SRD5A2: variants seen among roughly 807,000 people sequenced by gnomAD.
SRD5A2 encodes the protein steroid 5 alpha-reductase 2.
A neutral mutation model predicts 27.4 loss-of-function variants in SRD5A2; 30 were observed. The ratio of observed to expected loss-of-function variants is 1.10; its 90% CI spans 0.82 to 1.49. The LOEUF (loss-of-function observed/expected upper bound fraction) is 1.49, where lower values mean the gene tolerates loss of function less well. Ranked by LOEUF, SRD5A2 falls within the 40% of genes most tolerant of loss-of-function variation. SRD5A2 has a pLI of 0.00. For synonymous variants in SRD5A2, 141 were observed against 133.6 expected (o/e 1.06, Z -0.38); for missense variants, 348 against 323.4 (o/e 1.08, Z -0.58).
chr2:31,620,769 T>G, the SRD5A2 span, among the ~76,000 whole-genome samples: 1 of 151,150 alleles, frequency 6.6e-6, no homozygotes, highest in African/African-American at 2.4e-5. Flanking sequence ...AAGGATGGGC[T>G]GCATATCCAC....
chr2:31,574,156 TCAGA>T (rs1666906412), intron 1 of SRD5A2, among the ~76,000 whole-genome samples: 1 of 152,222 alleles, frequency 6.6e-6, no homozygotes, highest in Non-Finnish European at 1.5e-5. Flanking sequence ...CCTGATATTG[TCAGA>T]CTGACGTTGC....
Position 31,526,088 on chromosome 2 carries a change from T to G in SRD5A2, c.*108A>C, listed in dbSNP as rs750256914. On this transcript the variant is annotated 3_prime_UTR_variant, in exon 5 of 5. Transcript: ENST00000622030. ...CCAGCTGGCAGAACGCCAGGAGACCTACTATTACATATATACGGGACTATT... is the reference window on the plus strand; with the variant it reads ...CCAGCTGGCAGAACGCCAGGAGACCGACTATTACATATATACGGGACTATT... The G allele has an allele frequency of 4.3e-6, 3 of 702,480 alleles. No individual in the cohort carries two copies. The highest frequency in any genetic ancestry group is 1.8e-5 in the African/African-American group (1 of 54,402). 43.5% of individuals were successfully genotyped at this position (702,480 alleles called of 1,614,324 possible). A position where few individuals can be genotyped will look rare whatever the true frequency, so the allele number is the denominator to read the frequency against.
At chr2:31,550,800 T>G (rs1666367482) in intron 1 of SRD5A2, among the ~76,000 whole-genome samples, 1 of 152,032 alleles carries the variant, frequency 6.6e-6, no homozygotes, top group African/African-American at 2.4e-5. Context: ...CTGAATGTTT[T>G]TTCCTTAAGA....
the SRD5A2 span, among the ~76,000 whole-genome samples, chr2:31,635,020 T>C: frequency 2.0e-5 from 3 of 152,156 alleles, no homozygotes; most frequent in Non-Finnish European, 2.9e-5. Context: ...CTTTGATACA[T>C]TGATTTCCTA....
At chr2:31,578,456 G>A (rs1667005273) in intron 1 of SRD5A2, among the ~76,000 whole-genome samples, 1 of 152,146 alleles carries the variant, frequency 6.6e-6, no homozygotes, top group African/African-American at 2.4e-5. Context: ...TTTTCCACCT[G>A]CAAAATGGGC....
At chr2:31,598,894 A>C in the SRD5A2 span, among the ~76,000 whole-genome samples, 1 of 152,058 alleles carries the variant, frequency 6.6e-6, no homozygotes, top group African/African-American at 2.4e-5. Context: ...GGATGAAAAA[A>C]CAAGATCCAC....
the SRD5A2 span, among the ~76,000 whole-genome samples, chr2:31,640,683 A>C: frequency 3.3e-5 from 5 of 152,110 alleles, no homozygotes; most frequent in Admixed American, 1.3e-4. Flanking sequence ...CCTGTGAACC[A>C]TACCTCCTGC....
chr2:31,625,558 T>A, the SRD5A2 span, among the ~76,000 whole-genome samples: 1 of 152,120 alleles, frequency 6.6e-6, no homozygotes, highest in Admixed American at 6.6e-5. Flanking sequence ...GGAAGGGACA[T>A]AGTTTCAGCT....
intron 1 of SRD5A2, chr2:31,563,502 T>G (rs1007242348): frequency 2.8e-4 from 43 of 152,206 alleles, no homozygotes; most frequent in African/African-American, 1.0e-3. Context: ...CCCAGCTTCC[T>G]GGTTTGAGAA....
intron 1 of SRD5A2, 95 bp downstream of exon 1, chr2:31,580,525 C>T (rs2148106728): frequency 7.2e-7 from 1 of 1,391,088 alleles, no homozygotes; most frequent in Non-Finnish European, 9.4e-7. Flanking sequence ...ACGCTGCCTC[C>T]TTGGCGTTCC....
At chr2:31,619,970 C>A in the SRD5A2 span, among the ~76,000 whole-genome samples, 1 of 151,794 alleles carries the variant, frequency 6.6e-6, no homozygotes, top group South Asian at 2.1e-4. Flanking sequence ...AATTTTTGTT[C>A]TTGTTACAAT....
At chr2:31,585,747 G>A (rs546115784), upstream of SRD5A2, among the ~76,000 whole-genome samples, 1 of 152,232 alleles carries the variant, frequency 6.6e-6, no homozygotes, top group East Asian at 1.9e-4. Flanking sequence ...CACCAAGCAA[G>A]CTCTTGGGGG....
intron 1 of SRD5A2, among the ~76,000 whole-genome samples, chr2:31,549,858 T>C (rs1666348660): frequency 6.6e-6 from 1 of 152,048 alleles, no homozygotes. Context: ...TCAGCAAAGA[T>C]ATAAAAGAAC....
At chr2:31,647,349 T>C in the SRD5A2 span, among the ~76,000 whole-genome samples, 3 of 152,312 alleles carry the variant, frequency 2.0e-5, no homozygotes, top group East Asian at 3.9e-4. Context: ...CCCACACTGA[T>C]AGCCCATGGA....
the SRD5A2 span, among the ~76,000 whole-genome samples, chr2:31,628,807 C>A: frequency 6.6e-6 from 1 of 152,148 alleles, no homozygotes; most frequent in African/African-American, 2.4e-5. Flanking sequence ...GCTTACAGGT[C>A]TACTGTTAGT....
At chr2:31,573,938 T>C (rs545581390) in intron 1 of SRD5A2, among the ~76,000 whole-genome samples, 29 of 152,202 alleles carry the variant, frequency 1.9e-4, no homozygotes, top group Non-Finnish European at 2.9e-4. Flanking sequence ...AATTCCTGGA[T>C]CTCTCAGTTA....
chr2:31,600,072 G>T, the SRD5A2 span, among the ~76,000 whole-genome samples: 1 of 151,968 alleles, frequency 6.6e-6, no homozygotes, highest in Admixed American at 6.6e-5. Flanking sequence ...TGATAAGTGA[G>T]AACATACAGT....
chr2:31,655,085 GCTT>G, the SRD5A2 span, among the ~76,000 whole-genome samples: 1 of 151,938 alleles, frequency 6.6e-6, no homozygotes, highest in Non-Finnish European at 1.5e-5. Context: ...ATTGAAATGT[GCTT>G]TTTTTAATTT....
At chr2:31,548,677 T>C (rs62141234) in intron 1 of SRD5A2, among the ~76,000 whole-genome samples, 12,596 of 152,184 alleles carry the variant, frequency 0.083, 601 homozygotes, top group Middle Eastern at 0.17. Flanking sequence ...AACAATATGG[T>C]GGTTACTCAA....
Sources: allele counts gnomAD v4.1 joint callset (sites outside exome capture counted in the v4.1 genomes callset), GRCh38; gene constraint gnomAD v4.1.1; transcripts MANE v1.5; gene names NCBI Gene and HGNC (gene_info 2026-07-23, HGNC 2026-07-21).